Variants in ZBTB43 observed in about 807,000 individuals in gnomAD.
The protein encoded by ZBTB43 is zinc finger and BTB domain containing 43, also known as zinc finger and BTB domain-containing protein 43.
In ZBTB43, 6 loss-of-function variants were observed where a neutral mutation model predicts 31.1. The observed-to-expected ratio is 0.19, with a 90% CI of 0.11 to 0.38. The LOEUF (loss-of-function observed/expected upper bound fraction) is 0.38. Ranked by LOEUF, ZBTB43 falls within the 10% of genes least tolerant of loss-of-function variation. The pLI is 1.00. For synonymous variants in ZBTB43, 212 were observed against 221.7 expected, an observed-to-expected ratio of 0.96 and a Z score of 0.39; for missense variants, 379 against 602.1, an observed-to-expected ratio of 0.63 and a Z score of 3.88.
intron 1 of ZBTB43, among the ~76,000 whole-genome samples, chr9:126,806,763 G>GA: frequency 1.3e-5 from 2 of 152,184 alleles, no homozygotes; most frequent in African/African-American, 2.4e-5. Context: ...TTGAACCTGT[G>GA]TTTATTGATT....
intron 2 of ZBTB43, among the ~76,000 whole-genome samples, chr9:126,814,327 T>TTTTTACA (rs2032322875): frequency 6.7e-6 from 1 of 148,462 alleles, no homozygotes; most frequent in African/African-American, 2.5e-5. Flanking sequence ...ATCTGTAAAA[T>TTTTTACA]GTAAATTTTA....
chr9:126,818,628 G>GT (rs951814547), intron 2 of ZBTB43, among the ~76,000 whole-genome samples: 7 of 152,160 alleles, frequency 4.6e-5, no homozygotes, highest in Admixed American at 1.3e-4. Context: ...TGTTTTATGT[G>GT]TTTTTTTCCC....
chr9:126,824,464 T>C (rs1381543102), intron 2 of ZBTB43, among the ~76,000 whole-genome samples: 1 of 152,246 alleles, frequency 6.6e-6, no homozygotes, highest in Non-Finnish European at 1.5e-5. Context: ...AGTCTACAGG[T>C]AGTGAACATC....
Position 126,815,930 on chromosome 9 carries a change from C to T in ZBTB43, c.-24+7015C>T, listed in dbSNP as rs560996850. On this transcript the variant is annotated intron_variant, in intron 2 of 2. Transcript: ENST00000373464. Reference sequence around the variant, plus strand: ...GATATTTTTGTATTATGTAAATGTTCTCAAGTTTCATTCTGGAACATAATT... The same window carrying T: ...GATATTTTTGTATTATGTAAATGTTTTCAAGTTTCATTCTGGAACATAATT... 5.3e-5 allele frequency among the ~76,000 whole-genome samples: 8 copies of T among 151,416 alleles called. No homozygotes were observed. The East Asian group carries it at 1.4e-3, about 26-fold the overall frequency.
At chr9:126,827,998 CAA>C (rs753053005) in intron 2 of ZBTB43, among the ~76,000 whole-genome samples, 4 of 151,340 alleles carry the variant, frequency 2.6e-5, no homozygotes, top group Non-Finnish European at 5.9e-5. Context: ...GCCTGGGCAA[CAA>C]GAGTGAAACT....
chr9:126,825,315 T>G (rs992403396), intron 2 of ZBTB43, among the ~76,000 whole-genome samples: 1 of 152,212 alleles, frequency 6.6e-6, no homozygotes, highest in Admixed American at 6.5e-5. Flanking sequence ...TTGTTGATTT[T>G]TTTTTTCCTT....
chr9:126,821,658 G>A (rs936137276), intron 2 of ZBTB43, among the ~76,000 whole-genome samples: 4 of 152,216 alleles, frequency 2.6e-5, no homozygotes, highest in African/African-American at 9.6e-5. Flanking sequence ...GAGTGGATGA[G>A]AAGTTGCTTC....
chr9:126,820,967 CAAAA>C (rs36023653), intron 2 of ZBTB43, among the ~76,000 whole-genome samples: 1 of 83,474 alleles, frequency 1.2e-5, no homozygotes, highest in Non-Finnish European at 2.1e-5. Flanking sequence ...ACCCCCATCT[CAAAA>C]AAAAAAAAAA....
At chr9:126,807,500 C>T (rs1040071757) in intron 1 of ZBTB43, among the ~76,000 whole-genome samples, 1 of 152,156 alleles carries the variant, frequency 6.6e-6, no homozygotes, top group African/African-American at 2.4e-5. Context: ...TTGTCTCAGG[C>T]AGTGACAGCT....
chr9:126,812,286 A>G (rs775075743), intron 2 of ZBTB43, among the ~76,000 whole-genome samples: 2 of 152,212 alleles, frequency 1.3e-5, no homozygotes, highest in Non-Finnish European at 2.9e-5. Context: ...TTCTAAGGAT[A>G]TATCCTGTTT....
At chr9:126,811,301 T>C (rs2032243425) in intron 2 of ZBTB43, among the ~76,000 whole-genome samples, 1 of 152,154 alleles carries the variant, frequency 6.6e-6, no homozygotes, top group Non-Finnish European at 1.5e-5. Context: ...ACAAGTACTT[T>C]GGATTTAAAT....
intron 2 of ZBTB43, among the ~76,000 whole-genome samples, chr9:126,830,152 A>T (rs1022113462): frequency 2.0e-5 from 3 of 152,248 alleles, no homozygotes. Context: ...TGGGAAAGTT[A>T]CTTAAAATAG....
intron 2 of ZBTB43, among the ~76,000 whole-genome samples, chr9:126,817,726 T>C (rs529352829): frequency 5.3e-5 from 8 of 152,296 alleles, no homozygotes; most frequent in African/African-American, 1.9e-4. Context: ...TCCACCCACC[T>C]CGGCCTCCCA....
rs114581872 is a variant in ZBTB43, at chr9:126,830,849, G to A, written c.-23-1638G>A. ...TTGTTAGGAATTGTTTCTAATGCTT[G>A]ACTTACCCCACAGAATATATTTACA... On this transcript the variant is annotated intron_variant, in intron 2 of 2. Transcript: ENST00000373464. 3.7e-3 allele frequency among the ~76,000 whole-genome samples: 564 copies of A among 151,676 alleles called. 7 individuals carry two copies. Among genetic ancestry groups the A allele is most frequent in the African/African-American group, 0.013 (522 of 41,344 alleles).
rs1396830289 is a variant in ZBTB43, at chr9:126,805,088, A to ACCT, written c.-191_-190insCCT. 1 of 152,472 alleles carries ACCT rather than the reference A, an allele frequency of 6.6e-6. No individual in the cohort carries two copies. The highest frequency in any genetic ancestry group is 6.5e-5 in the Admixed American group (1 of 15,298). 9.4% of individuals were successfully genotyped at this position (152,472 alleles called of 1,614,324 possible). A position where few individuals can be genotyped will look rare whatever the true frequency, so the allele number is the denominator to read the frequency against. ...TACAACAGGCCTGCGCCGGCGGCAG[A>ACCT]GAGGATATCTTGGGCGGGGGATGTG... On this transcript the variant is annotated 5_prime_UTR_variant, in exon 1 of 3. Coordinates refer to ENST00000373464, the MANE Select transcript of ZBTB43 (RefSeq NM_014007.4).
intron 2 of ZBTB43, among the ~76,000 whole-genome samples, chr9:126,810,035 C>G (rs1474245632): frequency 6.6e-6 from 1 of 152,026 alleles, no homozygotes; most frequent in African/African-American, 2.4e-5. Flanking sequence ...TGGGGTTTCA[C>G]CATCTTGGCC....
intron 2 of ZBTB43, 107 bp from the exon 3 acceptor site, chr9:126,832,380 G>A: frequency 9.2e-7 from 1 of 1,084,232 alleles, no homozygotes; most frequent in African/African-American, 1.6e-5. Flanking sequence ...GGGCCCATAG[G>A]CTAGAGGACT....
At chr9:126,825,133 T>G (rs955595542) in intron 2 of ZBTB43, among the ~76,000 whole-genome samples, 1 of 152,060 alleles carries the variant, frequency 6.6e-6, no homozygotes, top group African/African-American at 2.4e-5. Context: ...TAGAGACAGG[T>G]TCTCACTATG....
intron 2 of ZBTB43, among the ~76,000 whole-genome samples, chr9:126,818,300 T>A (rs78448954): frequency 0.016 from 2,341 of 150,146 alleles, 52 homozygotes; most frequent in East Asian, 0.056. Flanking sequence ...TTAAAAAATA[T>A]ATATATATAT....
Sources: allele counts gnomAD v4.1 joint callset (sites outside exome capture counted in the v4.1 genomes callset), GRCh38; gene constraint gnomAD v4.1.1; transcripts MANE v1.5; gene names NCBI Gene and HGNC (gene_info 2026-07-23, HGNC 2026-07-21).